Variants in RSPRY1 observed in about 807,000 individuals in gnomAD.
RSPRY1 encodes the protein ring finger and SPRY domain containing 1, also known as RING finger and SPRY domain-containing protein 1.
In RSPRY1, 23 loss-of-function variants were observed where a neutral mutation model predicts 73.1. That is an observed-to-expected ratio of 0.31 (90% CI 0.23 to 0.45). RSPRY1 has a LOEUF of 0.45. RSPRY1 is among the 20% of genes least tolerant of loss of function. The probability of loss-of-function intolerance (pLI) is 1.00; values close to 1 mark genes in which losing one functional copy is unlikely to be tolerated. For missense variants in RSPRY1, 448 were observed against 698.7 expected (o/e 0.64, Z 4.05); for synonymous variants, 226 against 251.4 (o/e 0.90, Z 0.95).
chr16:57,221,420 G>C lies in RSPRY1; in HGVS notation c.1161+5G>C. 1 of 1,612,584 alleles carries C rather than the reference G, an allele frequency of 6.2e-7. No individual in the cohort carries two copies. Among genetic ancestry groups the C allele is most frequent in the South Asian group, 1.1e-5 (1 of 90,804 alleles). On this transcript the variant is annotated splice_donor_5th_base_variant and intron_variant, in intron 10 of 14. Coordinates refer to ENST00000394420, the MANE Select transcript of RSPRY1 (RefSeq NM_133368.3). ...GACAGCAAATTCCTCAATCATGTGA[G>C]TACCCTAGAGAACTGTGAAAATGGG... is the stretch of plus-strand genomic sequence containing the variant.
chr16:57,239,924 ATTG>A lies in RSPRY1; in HGVS notation c.*952_*954del, dbSNP rs541289916. The A allele has an allele frequency of 6.5e-4, 99 of 152,282 alleles. No homozygotes were observed. Among genetic ancestry groups the A allele is most frequent in the African/African-American group, 2.3e-3 (97 of 41,568 alleles). The allele number at this position is 152,282 out of a possible 1,614,324, so 9.4% of individuals were successfully genotyped here. Reference sequence around the variant, plus strand: ...GGACAGTCTGAGAACACGTATTTCTATTGTTCTAAATAAATACATGTTTTTGAA... The same window carrying A: ...GGACAGTCTGAGAACACGTATTTCTATTCTAAATAAATACATGTTTTTGAA... On this transcript the variant is annotated 3_prime_UTR_variant, in exon 15 of 15. Coordinates refer to ENST00000394420, the MANE Select transcript of RSPRY1 (RefSeq NM_133368.3).
intron 14 of RSPRY1, 30 bp downstream of exon 14, chr16:57,235,258 A>G: frequency 1.3e-6 from 2 of 1,490,546 alleles, no homozygotes; most frequent in Non-Finnish European, 1.9e-6. Context: ...GCAAAGTTTC[A>G]TACTGTTCTT....
At chr16:57,220,877 T>C in intron 9 of RSPRY1, 30 bp downstream of exon 9, 1 of 1,460,486 alleles carries the variant, frequency 6.8e-7, no homozygotes, top group African/African-American at 1.4e-5. Context: ...TTGGACCCTT[T>C]GGGGGATGAG....
chr16:57,212,288 G>C (rs112122633), intron 4 of RSPRY1, among the ~76,000 whole-genome samples: 7 of 152,306 alleles, frequency 4.6e-5, no homozygotes, highest in African/African-American at 1.7e-4. Flanking sequence ...AGCAGCCTGG[G>C]AAACAGAGCA....
chr16:57,195,757 T>C (rs1456610956), intron 1 of RSPRY1, among the ~76,000 whole-genome samples: 1 of 151,466 alleles, frequency 6.6e-6, no homozygotes, highest in East Asian at 1.9e-4. Flanking sequence ...GCACGGTGGC[T>C]CACACCTGTA....
chr16:57,231,256 T>C lies in RSPRY1; in HGVS notation c.1466T>C (p.Met489Thr), dbSNP rs755216093. 5 of 1,613,892 alleles carry C rather than the reference T, an allele frequency of 3.1e-6. No homozygotes were observed. Among genetic ancestry groups the C allele is most frequent in the Non-Finnish European group, 4.2e-6 (5 of 1,179,912 alleles). ...AAACCATTCAAATACCCACCATCTA[T>C]GAAATTTAGCACTTTTAATGACTAC... The part of the protein sequence containing the change: ...GAKPFKYPPS[M>T]KFSTFNDYAF... The change falls in exon 13 of 15, where the codon ATG becomes ACG. Residue 489 changes from methionine (M) to threonine (T), a missense_variant. Physicochemically the swap from Met to Thr is moderately conservative, Grantham distance 81 (BLOSUM62 -1). Coordinates refer to ENST00000394420, the MANE Select transcript of RSPRY1 (RefSeq NM_133368.3).
chr16:57,201,796 A>G lies in RSPRY1; in HGVS notation c.-155-2708A>G, dbSNP rs534466544. On this transcript the variant is annotated intron_variant, in intron 1 of 14. Coordinates refer to ENST00000394420, the MANE Select transcript of RSPRY1 (RefSeq NM_133368.3). ...ACACAGCGAAACCCCGTCTCCACCA[A>G]AAAAATACGAAAACCAGTCAGGCGT... is the stretch of plus-strand genomic sequence containing the variant. Among the ~76,000 whole-genome samples, 4 of 152,326 alleles carry G rather than the reference A, an allele frequency of 2.6e-5. No homozygotes were observed. In the East Asian group the frequency reaches 5.8e-4, roughly 22 times the overall value.
chr16:57,236,003 G>T (rs1189968902), intron 14 of RSPRY1, among the ~76,000 whole-genome samples: 1 of 152,186 alleles, frequency 6.6e-6, no homozygotes, highest in Non-Finnish European at 1.5e-5. Context: ...GAAGTAGAGT[G>T]TGTCTCATTT....
Position 57,204,498 on chromosome 16 carries a change from T to G in RSPRY1, c.-155-6T>G. ...ATTCATTTTCCTTTTTCTCATTTTC[T>G]TTTAGAACTGCCATTGGATGTCCAG... On this transcript the variant is annotated splice_polypyrimidine_tract_variant and splice_region_variant and intron_variant, in intron 1 of 14. Transcript: ENST00000394420. 1 of 651,566 alleles carries G rather than the reference T, an allele frequency of 1.5e-6. No homozygotes were observed. Among genetic ancestry groups the G allele is most frequent in the South Asian group, 2.1e-5 (1 of 48,494 alleles). The allele number at this position is 651,566 out of a possible 1,614,324, so 40.4% of individuals were successfully genotyped here.
intron 8 of RSPRY1, among the ~76,000 whole-genome samples, chr16:57,218,927 G>A (rs1307083638): frequency 2.3e-5 from 3 of 127,908 alleles, no homozygotes; most frequent in African/African-American, 6.3e-5. Context: ...TAGTAGAGAC[G>A]GGGTTTCACC....
chr16:57,213,867 G>A (rs372798463), intron 5 of RSPRY1, 21 bp from the exon 6 acceptor site: 6 of 1,535,254 alleles, frequency 3.9e-6, no homozygotes, highest in Admixed American at 1.7e-5. Flanking sequence ...ATTATATCAA[G>A]TGTTTGTTGT....
chr16:57,238,519 G>A (rs1238327647), intron 14 of RSPRY1, among the ~76,000 whole-genome samples: 1 of 152,214 alleles, frequency 6.6e-6, no homozygotes, highest in Admixed American at 6.5e-5. Flanking sequence ...AAGGCATTGT[G>A]TCAAAACTGT....
chr16:57,232,156 G>A (rs1334918063), intron 13 of RSPRY1, among the ~76,000 whole-genome samples: 1 of 152,190 alleles, frequency 6.6e-6, no homozygotes, highest in Non-Finnish European at 1.5e-5. Flanking sequence ...TACTGGCCAT[G>A]ACATAGCTAA....
chr16:57,207,339 A>T (rs1442878457), intron 2 of RSPRY1, among the ~76,000 whole-genome samples: 1 of 151,736 alleles, frequency 6.6e-6, no homozygotes, highest in Non-Finnish European at 1.5e-5. Flanking sequence ...TTTTTTCCAC[A>T]CTAAAACAGA....
chr16:57,219,216 G>A (rs1473039921), intron 8 of RSPRY1, among the ~76,000 whole-genome samples: 1 of 152,130 alleles, frequency 6.6e-6, no homozygotes, highest in African/African-American at 2.4e-5. Context: ...TCTGTTTTTA[G>A]TGTTTTGAGG....
At position 57,204,831 on chromosome 16, in the gene RSPRY1, C is replaced by A. The variant is rs938838986; in HGVS notation, c.173C>A (p.Thr58Asn). ...DDSGTDDSVDTQQQQAENSAV... is the reference protein window; with the variant it reads ...DDSGTDDSVDNQQQQAENSAV... ...AGTGGAACAGATGACAGTGTTGACA[C>A]CCAACAGCAACAGGCCGAGAACAGT... Residue 58 changes from threonine to asparagine, a missense_variant, in exon 2 of 15, where the codon ACC becomes AAC. Thr to Asn is a moderately conservative substitution (Grantham distance 65, BLOSUM62 0). Transcript: ENST00000394420. The A allele has an allele frequency of 2.5e-6, 4 of 1,614,178 alleles. No individual in the cohort carries two copies. Among genetic ancestry groups the A allele is most frequent in the Non-Finnish European group, 3.4e-6 (4 of 1,180,028 alleles).
At chr16:57,216,366 C>A in intron 7 of RSPRY1, 193 bp downstream of exon 7, 2 of 509,620 alleles carry the variant, frequency 3.9e-6, no homozygotes, top group Non-Finnish European at 6.9e-6. Flanking sequence ...ACCTAAGAAT[C>A]AAAACTTGGT....
intron 2 of RSPRY1, among the ~76,000 whole-genome samples, chr16:57,206,807 G>T (rs2074735042): frequency 6.6e-6 from 1 of 152,160 alleles, no homozygotes; most frequent in Non-Finnish European, 1.5e-5. Flanking sequence ...TCAAGCGATT[G>T]TCGAGCTTCA....
At chr16:57,199,852 T>C (rs1327729339) in intron 1 of RSPRY1, among the ~76,000 whole-genome samples, 33 of 133,070 alleles carry the variant, frequency 2.5e-4, no homozygotes, top group Middle Eastern at 3.9e-3. Context: ...TTTTTTTTTT[T>C]CCCACTCCAA....
Sources: allele counts gnomAD v4.1 joint callset (sites outside exome capture counted in the v4.1 genomes callset), GRCh38; gene constraint gnomAD v4.1.1; transcripts MANE v1.5; gene names NCBI Gene and HGNC (gene_info 2026-07-23, HGNC 2026-07-21).